The following IQSEC1 variants were observed in gnomAD, a reference collection of about 807,000 sequenced individuals.
IQSEC1 encodes IQ motif and SEC7 domain-containing protein 1.
A neutral mutation model predicts 91.0 loss-of-function variants in IQSEC1; 31 were observed. The ratio of observed to expected loss-of-function variants is 0.34; its 90% CI spans 0.26 to 0.46. The LOEUF is 0.46. Among genes scored for constraint, IQSEC1 ranks in the 20% least tolerant of loss-of-function variants. The probability of loss-of-function intolerance (pLI) is 1.00; values close to 1 mark genes in which losing one functional copy is unlikely to be tolerated. For missense variants in IQSEC1, 1,388 were observed against 1,575.6 expected (o/e 0.88, Z 2.02); for synonymous variants, 699 against 662.6 (o/e 1.05, Z -0.84).
Position 12,915,661 on chromosome 3 carries a change from A to G in IQSEC1, c.2093T>C (p.Leu698Pro). ...GIYERIRKRELKTNEDHVSQV... is the reference protein window; with the variant it reads ...GIYERIRKREPKTNEDHVSQV... ...GGACACATGGTCCTCATTGGTCTTT[A>G]GCTCTCGCTTACGGATCCGTTCATA... The change falls in exon 7 of 14, where the codon CTA becomes CCA. Residue 698 changes from leucine to proline, a missense_variant. Transcript: ENST00000613206. The G allele has an allele frequency of 6.2e-7, 1 of 1,614,104 alleles. No homozygotes were observed. Among genetic ancestry groups the G allele is most frequent in the Non-Finnish European group, 8.5e-7 (1 of 1,180,000 alleles).
rs553612041 is a variant in IQSEC1 at position 13,231,268 on chromosome 3, C to G, written c.272+51443G>C. Among the ~76,000 whole-genome samples the G allele has an allele frequency of 3.3e-5, 5 of 152,188 alleles. No individual in the cohort carries two copies. In the South Asian group the frequency reaches 8.3e-4, roughly 25 times the overall value. ...TCCATGAACTTTTTGAAGTCCCGTGCGTGTGTGTGTCTGTGTGTGTGCCCA... is the reference window on the plus strand; with the variant it reads ...TCCATGAACTTTTTGAAGTCCCGTGGGTGTGTGTGTCTGTGTGTGTGCCCA... On this transcript the variant is annotated intron_variant, in intron 1 of 15. Transcript: ENST00000648114.
At chr3:13,260,497 C>T (rs571015961) in intron 1 of IQSEC1, among the ~76,000 whole-genome samples, 4 of 152,206 alleles carry the variant, frequency 2.6e-5, no homozygotes, top group Non-Finnish European at 5.9e-5. Context: ...CACTGAGTGA[C>T]AATTTTTGAT....
chr3:13,197,273 C>T (rs559265807), intron 1 of IQSEC1, among the ~76,000 whole-genome samples: 6 of 152,350 alleles, frequency 3.9e-5, no homozygotes, highest in African/African-American at 1.4e-4. Flanking sequence ...TCAACATTTG[C>T]AGCCCCCAAG....
intron 1 of IQSEC1, chr3:13,015,505 A>G (rs904845376): frequency 4.2e-6 from 4 of 948,646 alleles, no homozygotes; most frequent in Non-Finnish European, 5.0e-6. Flanking sequence ...GGCTGCCCTG[A>G]CAGTCGCCAG....
chr3:13,262,264 G>C (rs1268088805), intron 1 of IQSEC1, among the ~76,000 whole-genome samples: 1 of 152,196 alleles, frequency 6.6e-6, no homozygotes, highest in African/African-American at 2.4e-5. Context: ...TTCCTCAGCA[G>C]GATGAAGACC....
intron 1 of IQSEC1, among the ~76,000 whole-genome samples, chr3:13,231,104 G>A (rs914002705): frequency 2.0e-5 from 3 of 152,188 alleles, no homozygotes; most frequent in Non-Finnish European, 4.4e-5. Context: ...TCTGATAGGA[G>A]CTCTTTTCAA....
chr3:12,976,456 C>T lies in IQSEC1; in HGVS notation c.24-34591G>A, dbSNP rs138789714. On this transcript the variant is annotated intron_variant, in intron 1 of 13. Coordinates refer to ENST00000613206, the MANE Select transcript of IQSEC1 (RefSeq NM_001134382.3). ...ACTCACAGGGTCCCTTACAGATCCC[C>T]CTGGGAGCCTGGGACCAGAGCAGAA... is the stretch of plus-strand genomic sequence containing the variant. Among the ~76,000 whole-genome samples, 43 of 152,352 alleles carry T rather than the reference C, an allele frequency of 2.8e-4. 1 individual carries two copies. The highest frequency in any genetic ancestry group is 9.4e-4 in the African/African-American group (39 of 41,580).
intron 2 of IQSEC1, among the ~76,000 whole-genome samples, chr3:13,158,647 G>A (rs1432200581): frequency 6.6e-6 from 1 of 152,138 alleles, no homozygotes. Context: ...CTGACGGGGA[G>A]GCGACCTACA....
In IQSEC1 at chr3:13,116,053, C is replaced by T. The variant is rs115909919; in HGVS notation, c.302+48051G>A. On this transcript the variant is annotated intron_variant, in intron 2 of 15. Coordinates refer to the IQSEC1 transcript ENST00000648114. ...AGGAAAGAAGGGTCCCTTAGGATCCCTCAGGCAATGAAGAAGGGTCCCATA... is the reference window on the plus strand; with the variant it reads ...AGGAAAGAAGGGTCCCTTAGGATCCTTCAGGCAATGAAGAAGGGTCCCATA... Among the ~76,000 whole-genome samples, 861 of 152,344 alleles carry T rather than the reference C, an allele frequency of 5.7e-3. 12 individuals are homozygous for T. Among genetic ancestry groups the T allele is most frequent in the African/African-American group, 0.02 (823 of 41,586 alleles).
chr3:12,972,582 G>A (rs190917298), intron 1 of IQSEC1, among the ~76,000 whole-genome samples: 13 of 152,330 alleles, frequency 8.5e-5, no homozygotes, highest in African/African-American at 2.6e-4. Flanking sequence ...TTCATCTTAC[G>A]AAATGAGCAT....
intron 1 of IQSEC1, chr3:13,022,201 T>G (rs1269784387): frequency 1.6e-6 from 2 of 1,230,658 alleles, no homozygotes; most frequent in African/African-American, 3.1e-5. Flanking sequence ...TCACGGATTT[T>G]CAGGTCCCTT....
At chr3:12,977,806 T>C (rs1701260432) in intron 1 of IQSEC1, among the ~76,000 whole-genome samples, 1 of 152,238 alleles carries the variant, frequency 6.6e-6, no homozygotes, top group South Asian at 2.1e-4. Flanking sequence ...CAGTCATCTT[T>C]ATGTTACTGA....
intron 1 of IQSEC1, among the ~76,000 whole-genome samples, chr3:13,174,500 G>A (rs572446718): frequency 2.9e-4 from 44 of 152,128 alleles, no homozygotes; most frequent in African/African-American, 4.6e-4. Flanking sequence ...TCCTCCACCC[G>A]TCCCAGCGCT....
At chr3:13,155,064 C>T (rs1337574234) in intron 2 of IQSEC1, among the ~76,000 whole-genome samples, 1 of 152,082 alleles carries the variant, frequency 6.6e-6, no homozygotes, top group Non-Finnish European at 1.5e-5. Flanking sequence ...AACTTTACAA[C>T]TTAAGGAACT....
intron 2 of IQSEC1, among the ~76,000 whole-genome samples, chr3:13,135,625 A>G (rs1472230940): frequency 2.0e-5 from 3 of 152,220 alleles, no homozygotes; most frequent in Admixed American, 2.0e-4. Context: ...AGAGCTCTCC[A>G]GTGGGCTCCC....
At chr3:13,042,641 C>T (rs1476179962) in intron 1 of IQSEC1, among the ~76,000 whole-genome samples, 2 of 152,224 alleles carry the variant, frequency 1.3e-5, no homozygotes, top group African/African-American at 2.4e-5. Context: ...GAGGGCTTCC[C>T]TGGGGGTCCC....
intron 1 of IQSEC1, among the ~76,000 whole-genome samples, chr3:13,181,106 C>CT (rs1363472920): frequency 6.6e-6 from 1 of 152,118 alleles, no homozygotes; most frequent in Admixed American, 6.5e-5. Context: ...CCCGTCTCTA[C>CT]TAAAAATACA....
At chr3:13,112,845 G>T (rs1304464267) in intron 2 of IQSEC1, among the ~76,000 whole-genome samples, 1 of 152,242 alleles carries the variant, frequency 6.6e-6, no homozygotes, top group Non-Finnish European at 1.5e-5. Flanking sequence ...CCCACGAGTG[G>T]AAGCCACCAC....
At chr3:13,236,797 G>A (rs1694937016) in intron 1 of IQSEC1, among the ~76,000 whole-genome samples, 1 of 152,246 alleles carries the variant, frequency 6.6e-6, no homozygotes, top group Non-Finnish European at 1.5e-5. Context: ...CCTCCAGCTG[G>A]CTGTCTGCAC....
Sources: gnomAD v4.1 joint callset for allele counts (sites outside exome capture counted in the v4.1 genomes callset) on GRCh38, gnomAD v4.1.1 for gene constraint, MANE v1.5 for transcripts, NCBI Gene and HGNC (gene_info 2026-07-23, HGNC 2026-07-21) for gene names.